Variants in COL6A5 observed in about 807,000 individuals in gnomAD.
COL6A5 encodes the protein collagen type VI alpha 5 chain, also known as collagen alpha-5(VI) chain.
COL6A5 carries 48 observed loss-of-function variants against 65.6 expected under a neutral mutation model. The ratio of observed to expected loss-of-function variants is 0.73; its 90% CI spans 0.58 to 0.93. COL6A5 has a LOEUF of 0.93. Ranked by LOEUF, COL6A5 falls within the 40% of genes least tolerant of loss-of-function variation. The pLI is 0.00. For missense variants in COL6A5, 914 were observed against 928.3 expected, an observed-to-expected ratio of 0.98 and a Z score of 0.20; for synonymous variants, 291 against 322.8, an observed-to-expected ratio of 0.90 and a Z score of 1.05.
At chr3:130,477,812 A>T (rs1453546785) in intron 7 of COL6A5, among the ~76,000 whole-genome samples, 1 of 152,048 alleles carries the variant, frequency 6.6e-6, no homozygotes. Flanking sequence ...GGAAAAAATC[A>T]TTTCTCTAGA....
At chr3:130,386,592 A>G (rs781587108) in intron 5 of COL6A5, among the ~76,000 whole-genome samples, 20 of 152,074 alleles carry the variant, frequency 1.3e-4, no homozygotes, top group Non-Finnish European at 2.5e-4. Flanking sequence ...GGTGTCTTAG[A>G]AAGAGTGCAA....
chr3:130,381,216 A>G (rs1172320978), intron 4 of COL6A5, among the ~76,000 whole-genome samples: 1 of 152,118 alleles, frequency 6.6e-6, no homozygotes, highest in Non-Finnish European at 1.5e-5. Context: ...TGGTGGTTCA[A>G]TTGGTGTAGA....
At chr3:130,408,334 G>A (rs1017407861) in intron 17 of COL6A5, among the ~76,000 whole-genome samples, 2 of 152,088 alleles carry the variant, frequency 1.3e-5, no homozygotes, top group African/African-American at 4.8e-5. Flanking sequence ...TCTGTCTTAT[G>A]TAGTTGTAGA....
At chr3:130,447,947 G>T (rs1278601614) in intron 4 of COL6A5, among the ~76,000 whole-genome samples, 3 of 152,088 alleles carry the variant, frequency 2.0e-5, no homozygotes. Flanking sequence ...CAAACAATTT[G>T]TTTTTTGGAT....
intron 4 of COL6A5, among the ~76,000 whole-genome samples, chr3:130,381,293 A>T (rs1935985617): frequency 6.6e-6 from 1 of 152,122 alleles, no homozygotes; most frequent in Non-Finnish European, 1.5e-5. Flanking sequence ...CATCAACTTG[A>T]TATTATGATC....
intron 1 of COL6A5, among the ~76,000 whole-genome samples, chr3:130,370,671 G>A (rs936739769): frequency 3.3e-5 from 5 of 152,142 alleles, no homozygotes; most frequent in Admixed American, 6.6e-5. Context: ...TGGAAAAGAC[G>A]AATAGGAATG....
chr3:130,440,743 C>T (rs1335416881), exon 3 of COL6A5: 3 of 1,613,338 alleles, frequency 1.9e-6, no homozygotes, highest in South Asian at 1.1e-5. Flanking sequence ...TTGATCAACA[C>T]CTGATACAGC....
chr3:130,366,946 A>G (rs1325370305), intron 1 of COL6A5, among the ~76,000 whole-genome samples: 6 of 152,144 alleles, frequency 3.9e-5, no homozygotes, highest in Non-Finnish European at 5.9e-5. Flanking sequence ...GTGGCTTTCT[A>G]TATTTCATCT....
intron 5 of COL6A5, among the ~76,000 whole-genome samples, chr3:130,460,744 G>A (rs747912578): frequency 6.6e-6 from 1 of 151,934 alleles, no homozygotes; most frequent in Non-Finnish European, 1.5e-5. Context: ...AGGGATGGTG[G>A]TGGTGGTAAT....
chr3:130,429,982 C>T (rs1273002517), upstream of COL6A5, among the ~76,000 whole-genome samples: 2 of 152,218 alleles, frequency 1.3e-5, no homozygotes, highest in African/African-American at 4.8e-5. Context: ...TGTCATCTCA[C>T]TGAGTGCCCA....
rs115026884 is a variant in COL6A5 at position 130,449,205 on chromosome 3, G to A, written c.1332+5639G>A. Among the ~76,000 whole-genome samples, 786 of 152,256 alleles carry A rather than the reference G, an allele frequency of 5.2e-3. 2 individuals are homozygous for A. Among genetic ancestry groups the A allele is most frequent in the African/African-American group, 0.018 (732 of 41,558 alleles). On this transcript the variant is annotated intron_variant, in intron 4 of 7. Coordinates refer to ENST00000512836, the Ensembl canonical transcript of COL6A5. ...TTGTAAAGGGATAGGATTCGGAGGC[G>A]TGGCAGCGGCCGCCACTAAAAAGGA...
Position 130,387,061 on chromosome 3 carries a change from A to G in COL6A5, c.1862-1519A>G, listed in dbSNP as rs530476247. ...CCAGGTCTAGTAGAGAGGCTGTTCC[A>G]TCCTCAACACATAGCTTCCATCTTT... On this transcript the variant is annotated intron_variant and NMD_transcript_variant, in intron 5 of 41. Transcript: ENST00000312481. 6.6e-5 allele frequency among the ~76,000 whole-genome samples: 10 copies of G among 152,226 alleles called. No individual in the cohort carries two copies. The East Asian group carries it at 1.9e-3, about 30-fold the overall frequency.
At chr3:130,387,811 T>C (rs981998488) in intron 5 of COL6A5, among the ~76,000 whole-genome samples, 2 of 152,042 alleles carry the variant, frequency 1.3e-5, no homozygotes, top group Non-Finnish European at 2.9e-5. Flanking sequence ...ATTATATATA[T>C]ACACAACATA....
At chr3:130,477,781 T>C (rs1344197302) in intron 7 of COL6A5, among the ~76,000 whole-genome samples, 8 of 152,082 alleles carry the variant, frequency 5.3e-5, no homozygotes, top group Admixed American at 2.6e-4. Context: ...GGTCCTTTCA[T>C]TGGATATTAA....
At chr3:130,436,322 C>A (rs927036504) in intron 1 of COL6A5, among the ~76,000 whole-genome samples, 8 of 151,838 alleles carry the variant, frequency 5.3e-5, no homozygotes, top group African/African-American at 1.9e-4. Flanking sequence ...GACCCTCTGT[C>A]TACTATAGAT....
At chr3:130,358,768 C>G (rs1935010448) in intron 1 of COL6A5, among the ~76,000 whole-genome samples, 1 of 152,088 alleles carries the variant, frequency 6.6e-6, no homozygotes, top group South Asian at 2.1e-4. Context: ...CTGCAGTTGT[C>G]TAATATTGGC....
At chr3:130,484,726 T>C in exon 8 of COL6A5, 1 of 398,932 alleles carries the variant, frequency 2.5e-6, no homozygotes, top group Non-Finnish European at 4.4e-6. Context: ...TTGTGTATAC[T>C]GAATTTTTGC....
At chr3:130,469,912 ATTC>A (rs974679202) in intron 6 of COL6A5, among the ~76,000 whole-genome samples, 6 of 152,224 alleles carry the variant, frequency 3.9e-5, no homozygotes, top group Middle Eastern at 3.4e-3. Context: ...AACCCCTCAC[ATTC>A]TGACCCCAGG....
At chr3:130,471,244 GATAAC>G (rs1709946512) in intron 7 of COL6A5, among the ~76,000 whole-genome samples, 1 of 151,954 alleles carries the variant, frequency 6.6e-6, no homozygotes, top group Admixed American at 6.6e-5. Context: ...TCAGTAAGTA[GATAAC>G]ATAACTCCAA....
Sources: gnomAD v4.1 joint callset for allele counts (sites outside exome capture counted in the v4.1 genomes callset) on GRCh38, gnomAD v4.1.1 for gene constraint, MANE v1.5 for transcripts, NCBI Gene and HGNC (gene_info 2026-07-23, HGNC 2026-07-21) for gene names.